The following FHAD1 variants were observed in gnomAD, a reference collection of about 807,000 sequenced individuals.
FHAD1 encodes forkhead-associated domain-containing protein 1.
A neutral mutation model predicts 191.3 loss-of-function variants in FHAD1; 146 were observed. The observed-to-expected ratio is 0.76, with a 90% CI of 0.67 to 0.88. FHAD1 has a LOEUF of 0.88. FHAD1 is among the 40% of genes least tolerant of loss of function. The pLI, the probability that FHAD1 is intolerant of heterozygous loss-of-function variation, is 0.00. For synonymous variants in FHAD1, 616 were observed against 672.3 expected, an observed-to-expected ratio of 0.92 and a Z score of 1.29; for missense variants, 1,635 against 1,785.8, an observed-to-expected ratio of 0.92 and a Z score of 1.52.
intron 6 of FHAD1, among the ~76,000 whole-genome samples, chr1:15,305,412 C>T (rs1355886688): frequency 2.6e-5 from 4 of 152,090 alleles, no homozygotes; most frequent in African/African-American, 4.8e-5. Flanking sequence ...CCTAGAGCCA[C>T]GTGGAAAGAA....
intron 7 of FHAD1, 87 bp downstream of exon 7, chr1:15,308,823 T>A: frequency 6.6e-7 from 1 of 1,524,968 alleles, no homozygotes; most frequent in Non-Finnish European, 8.8e-7. Flanking sequence ...AACCACATAC[T>A]TTTTGTTACT....
chr1:15,341,924 A>G lies in FHAD1; in HGVS notation c.2130+36A>G, dbSNP rs1388121074. ...CCCTGCCATTTGCTTTACTACTGGA[A>G]ACTGATGAAATGGCCTTTTCTATGG... is the stretch of plus-strand genomic sequence containing the variant. On this transcript the variant is annotated intron_variant, in intron 16 of 33. Transcript: ENST00000688493. 2.6e-6 allele frequency: 4 copies of G among 1,534,786 alleles called. No homozygotes were observed. In the African/African-American group the frequency reaches 5.5e-5, roughly 21 times the overall value.
rs567107798 is a variant in FHAD1 at position 15,346,851 on chromosome 1, G to A, written c.2346+1328G>A. ...CCGCTGCCTCCCTTCTCGAAGGGGC[G>A]GCTGTGGGCTCAGATCTAGTGTATA... On this transcript the variant is annotated intron_variant, in intron 18 of 33. Coordinates refer to ENST00000688493, the MANE Select transcript of FHAD1 (RefSeq NM_001391957.1). Among the ~76,000 whole-genome samples, 8 of 152,308 alleles carry A rather than the reference G, an allele frequency of 5.3e-5. No homozygotes were observed. The South Asian group carries it at 6.2e-4, about 12-fold the overall frequency.
At chr1:15,332,438 T>C (rs1240505092) in intron 14 of FHAD1, among the ~76,000 whole-genome samples, 3 of 152,168 alleles carry the variant, frequency 2.0e-5, no homozygotes, top group Non-Finnish European at 4.4e-5. Flanking sequence ...CCAGGTGTAG[T>C]GGCTCATGCC....
chr1:15,395,756 C>T (rs777520586), intron 33 of FHAD1, among the ~76,000 whole-genome samples: 18 of 152,272 alleles, frequency 1.2e-4, no homozygotes, highest in Non-Finnish European at 2.4e-4. Flanking sequence ...AAATGCAGCC[C>T]AACACAAATT....
intron 2 of FHAD1, among the ~76,000 whole-genome samples, chr1:15,271,140 GAAAAAAAAAA>G (rs543401814): frequency 2.6e-5 from 2 of 76,678 alleles, no homozygotes; most frequent in South Asian, 9.4e-4. Context: ...CTCCATCTCG[GAAAAAAAAAA>G]AAAAAAAAAA....
At chr1:15,360,749 T>C (rs944596893) in intron 22 of FHAD1, 46 bp downstream of exon 22, 27 of 1,491,908 alleles carry the variant, frequency 1.8e-5, no homozygotes, top group Non-Finnish European at 2.2e-5. Context: ...TCGGGGCAGG[T>C]TCTGATTGTC....
chr1:15,305,471 G>A (rs556188794), intron 6 of FHAD1, among the ~76,000 whole-genome samples: 32 of 152,238 alleles, frequency 2.1e-4, no homozygotes, highest in Middle Eastern at 6.8e-3. Context: ...CTCTACCACC[G>A]ACTGATCCGT....
At chr1:15,260,326 C>T (rs139992638) in intron 2 of FHAD1, among the ~76,000 whole-genome samples, 207 of 152,300 alleles carry the variant, frequency 1.4e-3, no homozygotes, top group African/African-American at 4.7e-3. Context: ...CCATGAAGTG[C>T]TTAGGACAGT....
chr1:15,297,097 G>T (rs983878902), intron 5 of FHAD1, among the ~76,000 whole-genome samples: 5 of 152,174 alleles, frequency 3.3e-5, no homozygotes, highest in African/African-American at 9.7e-5. Flanking sequence ...TGAGGAAACC[G>T]GAGCTCAGAG....
intron 26 of FHAD1, among the ~76,000 whole-genome samples, chr1:15,373,501 G>A (rs1177367016): frequency 4.9e-5 from 7 of 142,266 alleles, no homozygotes; most frequent in Non-Finnish European, 1.1e-4. Context: ...GACAGAGCAA[G>A]ACTCCGTCAA....
intron 1 of FHAD1, among the ~76,000 whole-genome samples, chr1:15,247,724 C>G (rs2100695771): frequency 6.6e-6 from 1 of 152,244 alleles, no homozygotes; most frequent in African/African-American, 2.4e-5. Context: ...ACCCACCCGG[C>G]GGTCAGAGAG....
At chr1:15,294,559 AT>A (rs1666286382) in intron 4 of FHAD1, among the ~76,000 whole-genome samples, 1 of 152,042 alleles carries the variant, frequency 6.6e-6, no homozygotes, top group African/African-American at 2.4e-5. Context: ...CACCTGGCTA[AT>A]TTTTGTATTT....
At chr1:15,358,453 C>T (rs1693571783) in intron 21 of FHAD1, among the ~76,000 whole-genome samples, 170 bp downstream of exon 21, 1 of 152,232 alleles carries the variant, frequency 6.6e-6, no homozygotes, top group Non-Finnish European at 1.5e-5. Context: ...GGATATTTAG[C>T]ACCACCTCTG....
At chr1:15,284,222 G>A (rs1489787591) in intron 3 of FHAD1, among the ~76,000 whole-genome samples, 7 of 152,242 alleles carry the variant, frequency 4.6e-5, no homozygotes, top group East Asian at 1.9e-4. Context: ...GGCTCACGCC[G>A]GTAATCCCAG....
chr1:15,343,101 G>A (rs1039981564), intron 16 of FHAD1, among the ~76,000 whole-genome samples: 3 of 152,118 alleles, frequency 2.0e-5, no homozygotes, highest in African/African-American at 7.2e-5. Context: ...CCTGAGGGTT[G>A]GCCCTTTTTG....
In FHAD1 at chr1:15,381,520, G is replaced by A; in HGVS notation, c.4022+69G>A. Reference sequence around the variant, plus strand: ...CCTTCTCCTGGCTAAACTCAGGCTAGCAGCAGACCTCTAGGCCTGGGACAG... The same window carrying A: ...CCTTCTCCTGGCTAAACTCAGGCTAACAGCAGACCTCTAGGCCTGGGACAG... On this transcript the variant is annotated intron_variant, in intron 30 of 33. Coordinates refer to ENST00000688493, the MANE Select transcript of FHAD1 (RefSeq NM_001391957.1). This position sits in a 1 kb window ranked among gnomAD's most constrained non-coding sequence, Gnocchi z 4.6. 1.6e-6 allele frequency: 2 copies of A among 1,226,680 alleles called. No individual in the cohort carries two copies. Among genetic ancestry groups the A allele is most frequent in the East Asian group, 2.5e-5 (1 of 39,348 alleles). The allele number at this position is 1,226,680 out of a possible 1,614,324, so 76.0% of individuals were successfully genotyped here.
At position 15,312,142 on chromosome 1, in the gene FHAD1, C is replaced by T. The variant is rs1022655949; in HGVS notation, c.1040-915C>T. On this transcript the variant is annotated intron_variant, in intron 7 of 33. Coordinates refer to ENST00000688493, the MANE Select transcript of FHAD1 (RefSeq NM_001391957.1). This position sits in a 1 kb window ranked among gnomAD's most constrained non-coding sequence, Gnocchi z 4.7. ...GATTCACCCTGGGAAGTCACATTCACCACTTCCACAGTGCCATATGAGTTA... is the reference window on the plus strand; with the variant it reads ...GATTCACCCTGGGAAGTCACATTCATCACTTCCACAGTGCCATATGAGTTA... The T allele has an allele frequency of 1.3e-5, 2 of 152,262 alleles. No individual in the cohort carries two copies. The highest frequency in any genetic ancestry group is 4.8e-5 in the African/African-American group (2 of 41,452). 9.4% of individuals were successfully genotyped at this position (152,262 alleles called of 1,614,324 possible).
chr1:15,294,312 AG>A (rs1435693271), intron 4 of FHAD1, among the ~76,000 whole-genome samples: 1 of 152,212 alleles, frequency 6.6e-6, no homozygotes, highest in Non-Finnish European at 1.5e-5. Flanking sequence ...CGCAAAGCCA[AG>A]GACTTACTTA....
Sources: gnomAD v4.1 joint callset for allele counts (sites outside exome capture counted in the v4.1 genomes callset) on GRCh38, gnomAD v4.1.1 for gene constraint, Gnocchi (gnomAD v3.1) non-coding constraint, MANE v1.5 for transcripts, NCBI Gene and HGNC (gene_info 2026-07-23, HGNC 2026-07-21) for gene names.